The following PODXL2 variants were observed in gnomAD, a reference collection of about 807,000 sequenced individuals.
PODXL2 encodes the protein podocalyxin-like protein 2.
A neutral mutation model predicts 53.4 loss-of-function variants in PODXL2; 17 were observed. The observed-to-expected ratio is 0.32, with a 90% CI of 0.22 to 0.48. The LOEUF (loss-of-function observed/expected upper bound fraction) is 0.48. Among genes scored for constraint, PODXL2 ranks in the 20% least tolerant of loss-of-function variants. PODXL2 has a pLI of 0.99. For synonymous variants in PODXL2, 311 were observed against 306.7 expected (o/e 1.01, Z -0.15); for missense variants, 673 against 760.0 (o/e 0.89, Z 1.35).
chr3:127,650,245 G>A (rs1477782178), intron 2 of PODXL2, among the ~76,000 whole-genome samples: 1 of 152,216 alleles, frequency 6.6e-6, no homozygotes, highest in Non-Finnish European at 1.5e-5. Flanking sequence ...AGAGATAGAA[G>A]TAAAGTCCAG....
chr3:127,667,145 A>G (rs945495293), intron 4 of PODXL2, among the ~76,000 whole-genome samples: 5 of 152,268 alleles, frequency 3.3e-5, no homozygotes, highest in Non-Finnish European at 5.9e-5. Flanking sequence ...TTGGCTGGCT[A>G]TTAGACCAGT....
rs2074773837 is a variant in PODXL2, at chr3:127,662,420, C to CA, written c.1206+109_1206+110insA. ...AGCAGTGCGTGGGAGAAGGCTTAGTCCTTCAGTTGGTGGCCCAGGGATATA... is the reference window on the plus strand; with the variant it reads ...AGCAGTGCGTGGGAGAAGGCTTAGTCACTTCAGTTGGTGGCCCAGGGATATA... On this transcript the variant is annotated intron_variant, in intron 4 of 7. Transcript: ENST00000342480. The CA allele has an allele frequency of 5.3e-6, 4 of 754,790 alleles. No individual in the cohort carries two copies. In the South Asian group the frequency reaches 6.9e-5, roughly 13 times the overall value. 46.8% of individuals were successfully genotyped at this position (754,790 alleles called of 1,614,324 possible).
chr3:127,637,304 A>C (rs892180884), intron 1 of PODXL2, among the ~76,000 whole-genome samples: 5 of 152,024 alleles, frequency 3.3e-5, no homozygotes, highest in Non-Finnish European at 4.4e-5. Flanking sequence ...ATGTAGAATC[A>C]CTCTGATATT....
chr3:127,634,037 G>A (rs1222057517), intron 1 of PODXL2, among the ~76,000 whole-genome samples: 2 of 152,088 alleles, frequency 1.3e-5, no homozygotes, highest in Non-Finnish European at 2.9e-5. Context: ...GGTGCAGAGA[G>A]GGGAGGGGAG....
At chr3:127,660,064 C>T (rs944128165) in intron 2 of PODXL2, among the ~76,000 whole-genome samples, 2 of 152,218 alleles carry the variant, frequency 1.3e-5, no homozygotes, top group African/African-American at 2.4e-5. Flanking sequence ...AAGCACATTA[C>T]AAACACAGTG....
At chr3:127,662,355 G>A in intron 4 of PODXL2, 44 bp downstream of exon 4, 1 of 1,524,784 alleles carries the variant, frequency 6.6e-7, no homozygotes, top group Non-Finnish European at 9.0e-7. Context: ...AAGGCTGCAG[G>A]CAGTGGACAG....
chr3:127,660,928 C>G lies in PODXL2; in HGVS notation c.900C>G (p.His300Gln). 1 of 1,614,224 alleles carries G rather than the reference C, an allele frequency of 6.2e-7. No homozygotes were observed. Among genetic ancestry groups the G allele is most frequent in the Non-Finnish European group, 8.5e-7 (1 of 1,180,038 alleles). Reference protein sequence around the residue: ...TAGAAGLSGQHEEVPALPSFP... With the variant: ...TAGAAGLSGQQEEVPALPSFP... ...GAGCAGCTGGTTTGTCTGGCCAGCACGAGGAGGTGCCGGCCTTGCCTTCAT... is the reference window on the plus strand; with the variant it reads ...GAGCAGCTGGTTTGTCTGGCCAGCAGGAGGAGGTGCCGGCCTTGCCTTCAT... Residue 300 changes from histidine (H) to glutamine (Q), a missense_variant, in exon 3 of 8, where the codon CAC becomes CAG. This residue lies in a region of PODXL2 where 588 missense variants were observed against 668.3 expected (regional missense o/e 0.88). Coordinates refer to ENST00000342480, the MANE Select transcript of PODXL2 (RefSeq NM_015720.4).
At chr3:127,648,423 G>T (rs1467045007) in intron 2 of PODXL2, among the ~76,000 whole-genome samples, 2 of 152,142 alleles carry the variant, frequency 1.3e-5, no homozygotes, top group African/African-American at 2.4e-5. Context: ...CGATAGCTGT[G>T]GAGCCTGTGG....
At chr3:127,662,388 G>C in intron 4 of PODXL2, 77 bp downstream of exon 4, 1 of 1,185,162 alleles carries the variant, frequency 8.4e-7, no homozygotes, top group Non-Finnish European at 1.2e-6. Flanking sequence ...GGCAGGCTGG[G>C]GGGACAAGCA....
At chr3:127,670,136 C>T (rs542406903) in intron 6 of PODXL2, among the ~76,000 whole-genome samples, 2 of 152,310 alleles carry the variant, frequency 1.3e-5, no homozygotes, top group Admixed American at 1.3e-4. Flanking sequence ...GTGCAAGGCT[C>T]TCTCCCTCAG....
chr3:127,650,823 AT>A (rs1017345772), intron 2 of PODXL2, among the ~76,000 whole-genome samples: 1 of 150,828 alleles, frequency 6.6e-6, no homozygotes, highest in Non-Finnish European at 1.5e-5. Flanking sequence ...CACCCAGCTA[AT>A]TTTTTTTTGT....
chr3:127,661,497 C>T (rs920645636), intron 3 of PODXL2, among the ~76,000 whole-genome samples: 9 of 151,692 alleles, frequency 5.9e-5, no homozygotes, highest in Non-Finnish European at 1.0e-4. Flanking sequence ...GTGAAGTGGG[C>T]ATGATCTCGG....
chr3:127,670,968 C>T (rs1031774314), intron 6 of PODXL2, among the ~76,000 whole-genome samples: 3 of 152,228 alleles, frequency 2.0e-5, no homozygotes, highest in South Asian at 2.1e-4. Flanking sequence ...CTCCCTGCAC[C>T]GGCCCTGGCA....
intron 1 of PODXL2, 78 bp from the exon 2 acceptor site, chr3:127,639,167 T>G: frequency 3.0e-5 from 43 of 1,415,484 alleles, no homozygotes; most frequent in Non-Finnish European, 3.8e-5. Context: ...CTTTGTCATT[T>G]GAGACATGCT....
At chr3:127,672,073 C>T (rs921676514) in intron 7 of PODXL2, among the ~76,000 whole-genome samples, 195 bp from the exon 8 acceptor site, 3 of 152,222 alleles carry the variant, frequency 2.0e-5, no homozygotes, top group Non-Finnish European at 2.9e-5. Flanking sequence ...AGGGAGGCCA[C>T]GGGGCTTTGT....
chr3:127,647,612 C>T (rs1412047008), intron 2 of PODXL2, among the ~76,000 whole-genome samples: 2 of 152,142 alleles, frequency 1.3e-5, no homozygotes, highest in Admixed American at 6.5e-5. Flanking sequence ...CAGCACTCGG[C>T]GTGCCGCCCT....
At chr3:127,657,264 G>A (rs1466542984) in intron 2 of PODXL2, among the ~76,000 whole-genome samples, 3 of 152,152 alleles carry the variant, frequency 2.0e-5, no homozygotes, top group Non-Finnish European at 2.9e-5. Context: ...TAGAGAGATC[G>A]TTTTAGTCAG....
chr3:127,663,020 C>A (rs111478615), intron 4 of PODXL2, among the ~76,000 whole-genome samples: 3 of 152,160 alleles, frequency 2.0e-5, no homozygotes, highest in Admixed American at 1.3e-4. Context: ...TGCAGAGTGA[C>A]CTTCTCCCTC....
chr3:127,641,856 A>G (rs866431532), intron 2 of PODXL2, among the ~76,000 whole-genome samples: 1 of 152,130 alleles, frequency 6.6e-6, no homozygotes, highest in Non-Finnish European at 1.5e-5. Flanking sequence ...CATGTGGGTC[A>G]TCAGGTGTAT....
Sources: gnomAD v4.1 joint callset for allele counts (sites outside exome capture counted in the v4.1 genomes callset) on GRCh38, gnomAD v4.1.1 for gene constraint, gnomAD v4.1.1 regional missense constraint, MANE v1.5 for transcripts, NCBI Gene and HGNC (gene_info 2026-07-23, HGNC 2026-07-21) for gene names.